Variants in FRMD4A observed in about 807,000 individuals in gnomAD.
The protein encoded by FRMD4A is FERM domain-containing protein 4A.
Under a neutral mutation model 129.1 loss-of-function variants are expected in FRMD4A, and 29 were observed. The ratio of observed to expected loss-of-function variants is 0.22; its 90% confidence interval spans 0.17 to 0.31. The LOEUF (loss-of-function observed/expected upper bound fraction) is 0.31. Ranked by LOEUF, FRMD4A falls within the 10% of genes least tolerant of loss-of-function variation. FRMD4A has a pLI of 1.00. For synonymous variants in FRMD4A, 634 were observed against 571.6 expected, an observed-to-expected ratio of 1.11 and a Z score of -1.56; for missense variants, 1,272 against 1,375.8, an observed-to-expected ratio of 0.92 and a Z score of 1.19.
chr10:14,182,657 A>T (rs1429922186), intron 2 of FRMD4A, among the ~76,000 whole-genome samples: 5 of 152,094 alleles, frequency 3.3e-5, no homozygotes, highest in African/African-American at 7.2e-5. Context: ...TGGTACAGGG[A>T]TGTTCCTAGG....
At chr10:14,271,677 C>A (rs763889424) in intron 2 of FRMD4A, among the ~76,000 whole-genome samples, 7 of 152,204 alleles carry the variant, frequency 4.6e-5, no homozygotes, top group Non-Finnish European at 1.0e-4. Flanking sequence ...CATCTTCTTA[C>A]AATGCTGGAT....
chr10:14,223,630 G>T (rs181667921), intron 2 of FRMD4A, among the ~76,000 whole-genome samples: 21 of 151,992 alleles, frequency 1.4e-4, no homozygotes, highest in African/African-American at 5.1e-4. Context: ...AGTCCCAGCT[G>T]CTCGGGAGGC....
chr10:14,287,426 T>A (rs934574497), intron 2 of FRMD4A, among the ~76,000 whole-genome samples: 1 of 152,186 alleles, frequency 6.6e-6, no homozygotes. Flanking sequence ...TTTTAAAAAA[T>A]GAATTGAATG....
intron 2 of FRMD4A, among the ~76,000 whole-genome samples, chr10:13,987,943 T>C (rs1003733294): frequency 2.6e-5 from 4 of 152,186 alleles, no homozygotes; most frequent in Non-Finnish European, 5.9e-5. Context: ...GAGCACTCAA[T>C]GTCATCGTGG....
chr10:14,124,820 C>T (rs1838740760), intron 2 of FRMD4A, among the ~76,000 whole-genome samples: 1 of 152,176 alleles, frequency 6.6e-6, no homozygotes, highest in Non-Finnish European at 1.5e-5. Flanking sequence ...ATTACCTTTC[C>T]TGGCCTCATT....
intron 2 of FRMD4A, among the ~76,000 whole-genome samples, chr10:14,049,041 G>T (rs1054854517): frequency 1.3e-5 from 2 of 152,136 alleles, no homozygotes; most frequent in African/African-American, 4.8e-5. Flanking sequence ...CTGTGTTCAG[G>T]AACTCCAGAG....
chr10:13,981,737 TCAAAAAAAAAAAAAAA>T, intron 2 of FRMD4A, among the ~76,000 whole-genome samples: 1 of 56,416 alleles, frequency 1.8e-5, no homozygotes, highest in East Asian at 5.4e-4. Flanking sequence ...AGACTCCGTG[TCAAAAAAAAAAAAAAA>T]AAAAAAAAAA....
At chr10:13,814,572 C>A (rs1390193221) in intron 3 of FRMD4A, among the ~76,000 whole-genome samples, 2 of 82,342 alleles carry the variant, frequency 2.4e-5, no homozygotes, top group Non-Finnish European at 4.1e-5. Flanking sequence ...TAGAGTGAGA[C>A]CCTGTTTCAA....
intron 2 of FRMD4A, among the ~76,000 whole-genome samples, chr10:13,963,057 A>T (rs2095456547): frequency 6.6e-6 from 1 of 152,196 alleles, no homozygotes; most frequent in African/African-American, 2.4e-5. Flanking sequence ...CTATTGCAAA[A>T]ATATGTTTCC....
chr10:13,792,410 G>A (rs144555759), intron 5 of FRMD4A, among the ~76,000 whole-genome samples: 238 of 152,188 alleles, frequency 1.6e-3, no homozygotes, highest in Admixed American at 4.1e-3. Context: ...ATGCCACATT[G>A]GAGGAGGATG....
intron 1 of FRMD4A, 75 bp from the exon 2 acceptor site, chr10:14,330,258 G>A (rs1843464710): frequency 1.4e-6 from 1 of 693,930 alleles, no homozygotes; most frequent in Admixed American, 2.1e-5. Flanking sequence ...CTTTCACACA[G>A]GGTGGGGAGG....
At chr10:13,863,810 A>C (rs1030228789) in intron 2 of FRMD4A, among the ~76,000 whole-genome samples, 3 of 151,888 alleles carry the variant, frequency 2.0e-5, no homozygotes, top group Non-Finnish European at 4.4e-5. Context: ...AAGATGAGTG[A>C]CCCTATTTGG....
At chr10:14,231,068 G>T (rs1408029019) in intron 2 of FRMD4A, among the ~76,000 whole-genome samples, 1 of 152,122 alleles carries the variant, frequency 6.6e-6, no homozygotes. Context: ...ATTGTGAAGG[G>T]TGCTTCAATG....
At chr10:14,167,773 T>A (rs1841266265) in intron 2 of FRMD4A, among the ~76,000 whole-genome samples, 1 of 151,048 alleles carries the variant, frequency 6.6e-6, no homozygotes, top group Non-Finnish European at 1.5e-5. Flanking sequence ...GGCCTTAGAG[T>A]CAGCAGGGTA....
chr10:13,707,553 G>T, intron 12 of FRMD4A: 1 of 998,872 alleles, frequency 1.0e-6, no homozygotes, highest in Non-Finnish European at 1.2e-6. Context: ...AGCCATCTGC[G>T]TGGAGTGCTG....
chr10:13,733,239 G>T (rs1274701201), intron 12 of FRMD4A, among the ~76,000 whole-genome samples: 2 of 152,198 alleles, frequency 1.3e-5, no homozygotes, highest in Non-Finnish European at 2.9e-5. Context: ...TTTTATAATG[G>T]TGATGAGGTT....
intron 2 of FRMD4A, among the ~76,000 whole-genome samples, chr10:14,012,547 G>C (rs2095685884): frequency 6.6e-6 from 1 of 152,162 alleles, no homozygotes. Flanking sequence ...ATTTTGCAGT[G>C]TTGGTGATAA....
chr10:13,959,447 G>A (rs1232447840), intron 2 of FRMD4A, among the ~76,000 whole-genome samples: 3 of 114,436 alleles, frequency 2.6e-5, no homozygotes, highest in African/African-American at 6.9e-5. Context: ...ACTCCCCTCC[G>A]GGTGACAGAG....
At chr10:13,951,884 T>C (rs2457854) in intron 2 of FRMD4A, among the ~76,000 whole-genome samples, 106,549 of 146,358 alleles carry the variant, frequency 0.73, 39,114 homozygotes, top group East Asian at 0.98. Flanking sequence ...AGTGAGACTC[T>C]GTCTCAAATA....
Sources: gnomAD v4.1 joint callset for allele counts (sites outside exome capture counted in the v4.1 genomes callset) on GRCh38, gnomAD v4.1.1 for gene constraint, MANE v1.5 for transcripts, NCBI Gene and HGNC (gene_info 2026-07-23, HGNC 2026-07-21) for gene names.